The following LY6S variants were observed in gnomAD, a reference collection of about 807,000 sequenced individuals.
LY6S encodes lymphocyte antigen 6S.
chr8:143,068,562 G>A, the LY6S span, among the ~76,000 whole-genome samples: 2 of 151,788 alleles, frequency 1.3e-5, no homozygotes, highest in Non-Finnish European at 2.9e-5. Context: ...GCAATACCAA[G>A]AGCCAATTAA....
the LY6S span, among the ~76,000 whole-genome samples, chr8:143,070,389 A>G: frequency 8.0e-6 from 1 of 125,092 alleles, no homozygotes; most frequent in African/African-American, 3.2e-5. Context: ...ATATATATAT[A>G]TTTATATATA....
At chr8:143,059,899 A>G in the LY6S span, 1 of 152,424 alleles carries the variant, frequency 6.6e-6, no homozygotes, top group Non-Finnish European at 1.5e-5. Flanking sequence ...GACCAAGGGC[A>G]CAAGCTGTTC....
chr8:143,046,455 G>A, the LY6S span, among the ~76,000 whole-genome samples: 7 of 151,938 alleles, frequency 4.6e-5, no homozygotes, highest in South Asian at 2.1e-4. Context: ...GCAGGTGCCT[G>A]TAGTCCCAGC....
At chr8:143,050,176 CTTTT>C in the LY6S span, among the ~76,000 whole-genome samples, 58,021 of 113,640 alleles carry the variant, frequency 0.51, 13,514 homozygotes, top group South Asian at 0.61. Context: ...CAAAACCTGA[CTTTT>C]TTTTTTTTTT....
the LY6S span, among the ~76,000 whole-genome samples, chr8:143,076,205 A>C: frequency 6.6e-6 from 1 of 152,214 alleles, no homozygotes; most frequent in African/African-American, 2.4e-5. Flanking sequence ...GAAACAGAAC[A>C]CAATTGCACA....
At chr8:143,060,636 T>A in the LY6S span, among the ~76,000 whole-genome samples, 1 of 152,192 alleles carries the variant, frequency 6.6e-6, no homozygotes, top group South Asian at 2.1e-4. Flanking sequence ...ATACAATAAA[T>A]AACGGCACGG....
the LY6S span, among the ~76,000 whole-genome samples, chr8:143,071,555 G>C: frequency 6.6e-6 from 1 of 152,190 alleles, no homozygotes; most frequent in African/African-American, 2.4e-5. Context: ...ATGTGAGACA[G>C]GGCAGGATAC....
At chr8:143,070,420 A>G in the LY6S span, among the ~76,000 whole-genome samples, 53 of 96,858 alleles carry the variant, frequency 5.5e-4, no homozygotes, top group East Asian at 1.1e-3. Flanking sequence ...ATGTATATAT[A>G]TTTATATATA....
chr8:143,073,772 C>T, the LY6S span, among the ~76,000 whole-genome samples: 9 of 93,844 alleles, frequency 9.6e-5, no homozygotes, highest in African/African-American at 3.8e-4. Context: ...GCCATCGTCC[C>T]CGGGGTCCCT....
At chr8:143,064,670 T>C in the LY6S span, among the ~76,000 whole-genome samples, 1 of 152,182 alleles carries the variant, frequency 6.6e-6, no homozygotes, top group East Asian at 1.9e-4. Context: ...TGTCTGTGGG[T>C]ATGCAAAAGA....
chr8:143,043,027 C>T, the LY6S span: 1 of 1,367,866 alleles, frequency 7.3e-7, no homozygotes, highest in Non-Finnish European at 9.8e-7. Flanking sequence ...CACCAGAATT[C>T]CTGCAATTCA....
At chr8:143,059,929 T>A in the LY6S span, 1 of 152,222 alleles carries the variant, frequency 6.6e-6, no homozygotes, top group Non-Finnish European at 1.5e-5. Flanking sequence ...AAAGAAAATA[T>A]ATAGAATAAG....
the LY6S span, among the ~76,000 whole-genome samples, chr8:143,075,839 A>C: frequency 2.0e-5 from 3 of 152,224 alleles, no homozygotes; most frequent in Non-Finnish European, 4.4e-5. The surrounding 1 kb of genome is among the most constrained non-coding windows in gnomAD (Gnocchi z 4.1). Context: ...TAGGTATTTT[A>C]ATTTCCAATA....
At chr8:143,073,235 C>T in the LY6S span, among the ~76,000 whole-genome samples, 7 of 134,452 alleles carry the variant, frequency 5.2e-5, 1 homozygote, top group South Asian at 2.5e-4. Flanking sequence ...TTCTTGGGGT[C>T]CCTGTTTGAG....
chr8:143,060,232 G>C, the LY6S span, among the ~76,000 whole-genome samples: 2 of 152,060 alleles, frequency 1.3e-5, no homozygotes, highest in Non-Finnish European at 2.9e-5. Context: ...AGGAAAGGGA[G>C]TCTCCCTTTC....
At chr8:143,070,536 G>A in the LY6S span, among the ~76,000 whole-genome samples, 1 of 138,444 alleles carries the variant, frequency 7.2e-6, no homozygotes, top group Non-Finnish European at 1.5e-5. Context: ...GCCCAGGCTG[G>A]AGTGTAGTGG....
the LY6S span, chr8:143,053,527 G>A: frequency 6.6e-6 from 1 of 152,040 alleles, no homozygotes; most frequent in Non-Finnish European, 1.5e-5. Context: ...ACACCTCCAG[G>A]AACAAACTCC....
the LY6S span, among the ~76,000 whole-genome samples, chr8:143,069,940 AG>A: frequency 6.6e-6 from 1 of 152,180 alleles, no homozygotes; most frequent in Non-Finnish European, 1.5e-5. Context: ...GGGAAGCCCC[AG>A]GCATTAGGGT....
At chr8:143,044,737 G>A in the LY6S span, 1,813 of 1,367,560 alleles carry the variant, frequency 1.3e-3, 31 homozygotes, top group African/African-American at 0.024. Context: ...GAAGGGGCAC[G>A]AGACCACGCT....
Sources: gnomAD v4.1 joint callset for allele counts (sites outside exome capture counted in the v4.1 genomes callset) on GRCh38, gnomAD v4.1.1 for gene constraint, Gnocchi (gnomAD v3.1) non-coding constraint, MANE v1.5 for transcripts, NCBI Gene and HGNC (gene_info 2026-07-23, HGNC 2026-07-21) for gene names.